Variants in SGCZ observed in about 807,000 individuals in gnomAD.
The protein encoded by SGCZ is sarcoglycan zeta, also known as zeta-sarcoglycan.
In SGCZ, 40 loss-of-function variants were observed where a neutral mutation model predicts 41.3. The observed-to-expected ratio is 0.97, with a 90% confidence interval of 0.75 to 1.26. SGCZ has a LOEUF of 1.26. Among genes scored for constraint, SGCZ ranks in the 50% most tolerant of loss-of-function variants. The pLI is 0.00. For synonymous variants in SGCZ, 206 were observed against 137.5 expected (o/e 1.50, Z -3.49); for missense variants, 552 against 369.8 (o/e 1.49, Z -4.04).
chr8:15,094,879 C>T (rs1222607142), intron 1 of SGCZ, among the ~76,000 whole-genome samples: 2 of 152,076 alleles, frequency 1.3e-5, no homozygotes, highest in African/African-American at 4.8e-5. Context: ...GTATGTTTCC[C>T]AAAGGCTCCC....
chr8:14,605,445 C>G (rs1396833926), intron 1 of SGCZ, among the ~76,000 whole-genome samples: 5 of 152,042 alleles, frequency 3.3e-5, no homozygotes, highest in Admixed American at 3.3e-4. Context: ...TAAAAATGTG[C>G]ATTTAAATTA....
chr8:14,504,486 G>T (rs767775737), intron 2 of SGCZ, among the ~76,000 whole-genome samples: 7 of 151,996 alleles, frequency 4.6e-5, no homozygotes, highest in Non-Finnish European at 1.0e-4. Context: ...CACTCTATTG[G>T]TTTCTTGATT....
intron 1 of SGCZ, among the ~76,000 whole-genome samples, chr8:15,034,862 A>G (rs984407364): frequency 6.6e-6 from 1 of 152,194 alleles, no homozygotes; most frequent in African/African-American, 2.4e-5. Flanking sequence ...TGGCAAAAAT[A>G]TTCTTCAGAC....
chr8:14,969,013 T>G (rs1292593574), intron 1 of SGCZ, among the ~76,000 whole-genome samples: 1 of 152,126 alleles, frequency 6.6e-6, no homozygotes, highest in Non-Finnish European at 1.5e-5. Flanking sequence ...AACATTTACA[T>G]CATTGTGCTA....
chr8:15,030,975 A>G (rs1245095672), intron 1 of SGCZ, among the ~76,000 whole-genome samples: 2 of 152,254 alleles, frequency 1.3e-5, no homozygotes, highest in Admixed American at 6.5e-5. Flanking sequence ...GAGATTATAT[A>G]TGTAGACAAG....
At chr8:14,356,149 T>A (rs1250786925) in intron 2 of SGCZ, among the ~76,000 whole-genome samples, 1 of 152,194 alleles carries the variant, frequency 6.6e-6, no homozygotes, top group Non-Finnish European at 1.5e-5. Context: ...TTTGCCCAAC[T>A]GTAGGCTAAA....
At chr8:15,028,765 T>G (rs566276051) in intron 1 of SGCZ, among the ~76,000 whole-genome samples, 4 of 152,194 alleles carry the variant, frequency 2.6e-5, no homozygotes, top group African/African-American at 9.6e-5. Flanking sequence ...TTTATGAGGT[T>G]AAGATCTTCC....
rs560854307 is a variant in SGCZ, at chr8:15,163,748, G to T, written c.39+73837C>A. On this transcript the variant is annotated intron_variant, in intron 1 of 7. Coordinates refer to ENST00000382080, the MANE Select transcript of SGCZ (RefSeq NM_139167.4). Reference sequence around the variant, plus strand: ...CTTAAATATTTCTTTATTATTTACAGCAATTTGCCCTTTAATAAGTAAAAT... The same window carrying T: ...CTTAAATATTTCTTTATTATTTACATCAATTTGCCCTTTAATAAGTAAAAT... Among the ~76,000 whole-genome samples the T allele has an allele frequency of 3.3e-5, 5 of 152,274 alleles. No individual in the cohort carries two copies. In the South Asian group the frequency reaches 8.3e-4, roughly 25 times the overall value.
At chr8:14,564,130 T>G (rs2117213686) in intron 1 of SGCZ, among the ~76,000 whole-genome samples, 1 of 152,190 alleles carries the variant, frequency 6.6e-6, no homozygotes, top group East Asian at 1.9e-4. Flanking sequence ...ATAGATAATT[T>G]GAGAAATTGC....
At chr8:14,917,751 G>A (rs1799480551) in intron 1 of SGCZ, among the ~76,000 whole-genome samples, 1 of 151,926 alleles carries the variant, frequency 6.6e-6, no homozygotes, top group African/African-American at 2.4e-5. Context: ...CATTGTGTAT[G>A]CTTTCTGTCT....
At chr8:14,325,747 C>CATATATATATAT (rs370021799) in intron 2 of SGCZ, among the ~76,000 whole-genome samples, 1 of 69,456 alleles carries the variant, frequency 1.4e-5, no homozygotes, top group African/African-American at 4.5e-5. Flanking sequence ...CACACACACA[C>CATATATATATAT]ATATATATAT....
At chr8:15,134,945 G>A (rs1053724156) in intron 1 of SGCZ, among the ~76,000 whole-genome samples, 2 of 151,156 alleles carry the variant, frequency 1.3e-5, no homozygotes, top group African/African-American at 2.4e-5. Context: ...AGTTTTTCAA[G>A]CAATGTTGTT....
intron 1 of SGCZ, among the ~76,000 whole-genome samples, chr8:15,142,634 G>A (rs563122271): frequency 3.7e-4 from 56 of 151,732 alleles, no homozygotes; most frequent in African/African-American, 1.1e-3. Flanking sequence ...CCCATACTAC[G>A]AAATCACCAG....
intron 1 of SGCZ, among the ~76,000 whole-genome samples, chr8:15,168,149 C>T (rs1466790778): frequency 1.3e-5 from 2 of 152,100 alleles, no homozygotes; most frequent in Admixed American, 6.6e-5. Context: ...CCATGCGACA[C>T]CCCCACCTCC....
At chr8:15,055,489 A>G (rs1373357022) in intron 1 of SGCZ, among the ~76,000 whole-genome samples, 1 of 152,224 alleles carries the variant, frequency 6.6e-6, no homozygotes, top group Non-Finnish European at 1.5e-5. Context: ...CAGGAAAAAA[A>G]CATGAAAATT....
chr8:14,307,719 G>T (rs1178469423), intron 3 of SGCZ, among the ~76,000 whole-genome samples: 1 of 151,856 alleles, frequency 6.6e-6, no homozygotes, highest in Non-Finnish European at 1.5e-5. Flanking sequence ...TTAACAAAGT[G>T]GTGATTTTTT....
chr8:15,044,482 A>C (rs1372280700), intron 1 of SGCZ, among the ~76,000 whole-genome samples: 1 of 152,160 alleles, frequency 6.6e-6, no homozygotes, highest in East Asian at 1.9e-4. Context: ...GAAAAGAAAT[A>C]TTTTCCCCAA....
At chr8:15,149,296 A>G (rs1044478148) in intron 1 of SGCZ, among the ~76,000 whole-genome samples, 1 of 152,150 alleles carries the variant, frequency 6.6e-6, no homozygotes, top group African/African-American at 2.4e-5. Flanking sequence ...CTGGTCACCA[A>G]TTTAGTGCAA....
intron 1 of SGCZ, among the ~76,000 whole-genome samples, chr8:14,606,587 T>C (rs553657551): frequency 7.9e-5 from 12 of 152,316 alleles, no homozygotes; most frequent in African/African-American, 2.9e-4. Context: ...CCCATCATAG[T>C]AGCCTGTTTC....
Sources: gnomAD v4.1 joint callset for allele counts (sites outside exome capture counted in the v4.1 genomes callset) on GRCh38, gnomAD v4.1.1 for gene constraint, MANE v1.5 for transcripts, NCBI Gene and HGNC (gene_info 2026-07-23, HGNC 2026-07-21) for gene names.